Variants in C17orf75 observed in about 807,000 individuals in gnomAD.
C17orf75 encodes protein Njmu-R1.
C17orf75 carries 32 observed loss-of-function variants against 49.6 expected under a neutral mutation model. The ratio of observed to expected loss-of-function variants is 0.65; its 90% CI spans 0.49 to 0.87. The LOEUF (loss-of-function observed/expected upper bound fraction) is 0.87. Among genes scored for constraint, C17orf75 ranks in the 40% least tolerant of loss-of-function variants. C17orf75 has a pLI of 0.00. For missense variants in C17orf75, 428 were observed against 473.9 expected, an observed-to-expected ratio of 0.90 and a Z score of 0.90; for synonymous variants, 158 against 159.5, an observed-to-expected ratio of 0.99 and a Z score of 0.07.
At chr17:32,343,917 A>G, upstream of C17orf75, 1 of 682,400 alleles carries the variant, frequency 1.5e-6, no homozygotes, top group South Asian at 1.5e-5. Context: ...CTCATAGTAG[A>G]TATTTGGCAA....
intron 5 of C17orf75, among the ~76,000 whole-genome samples, chr17:32,337,437 T>TG (rs1434141519): frequency 6.6e-6 from 1 of 151,672 alleles, no homozygotes; most frequent in African/African-American, 2.4e-5. Flanking sequence ...CCCTGCAGCC[T>TG]GGGCAACAAA....
chr17:32,344,050 C>T (rs76941666), upstream of C17orf75: 10 of 663,648 alleles, frequency 1.5e-5, no homozygotes, highest in Non-Finnish European at 1.7e-5. Context: ...CTTGAATAGC[C>T]GACCAGTCCC....
At chr17:32,336,922 G>T (rs1278249508) in intron 5 of C17orf75, among the ~76,000 whole-genome samples, 1 of 152,114 alleles carries the variant, frequency 6.6e-6, no homozygotes, top group Non-Finnish European at 1.5e-5. Context: ...GAGGCAGGTG[G>T]ATTACTTGAG....
intron 1 of C17orf75, 131 bp from the exon 2 acceptor site, chr17:32,341,415 T>C: frequency 1.2e-6 from 1 of 862,990 alleles, no homozygotes; most frequent in Admixed American, 1.9e-5. Flanking sequence ...CTGCCTATCC[T>C]CATGACAAGG....
At chr17:32,333,878 C>A (rs535622165) in intron 8 of C17orf75, among the ~76,000 whole-genome samples, 27 of 152,286 alleles carry the variant, frequency 1.8e-4, no homozygotes, top group Admixed American at 5.2e-4. Flanking sequence ...ATGGCTGAAG[C>A]CCCCTGTATG....
chr17:32,342,513 T>C (rs1375788940), upstream of C17orf75, among the ~76,000 whole-genome samples: 1 of 152,268 alleles, frequency 6.6e-6, no homozygotes, highest in Non-Finnish European at 1.5e-5. Context: ...ATCAAAAAGT[T>C]AAGAATTTAA....
upstream of C17orf75, chr17:32,344,051 G>A (rs889674654): frequency 7.4e-5 from 49 of 663,326 alleles, 1 homozygote; most frequent in Non-Finnish European, 1.1e-4. Flanking sequence ...TTGAATAGCC[G>A]ACCAGTCCCC....
In C17orf75 at chr17:32,340,929, A is replaced by G. The variant is rs2041373716; in HGVS notation, c.221+275T>C. ...CACTGCACTCCAGCCTGGGCAGCAG[A>G]GCAAGACCCTGTCTCAATTTAAAAG... On this transcript the variant is annotated intron_variant, in intron 2 of 9. Coordinates refer to ENST00000577809, the MANE Select transcript of C17orf75 (RefSeq NM_022344.4). 9.8e-5 allele frequency: 39 copies of G among 398,498 alleles called. 1 individual carries two copies. The highest frequency in any genetic ancestry group is 9.2e-4 in the South Asian group (39 of 42,228). 24.7% of individuals were successfully genotyped at this position (398,498 alleles called of 1,614,324 possible).
upstream of C17orf75, among the ~76,000 whole-genome samples, chr17:32,346,135 G>A (rs756501805): frequency 6.6e-6 from 1 of 151,924 alleles, no homozygotes; most frequent in East Asian, 1.9e-4. Context: ...TCACTACAAC[G>A]AGAGGCACAG....
At chr17:32,342,415 G>C (rs970134836), upstream of C17orf75, 1 of 342,426 alleles carries the variant, frequency 2.9e-6, no homozygotes, top group African/African-American at 2.1e-5. Flanking sequence ...TGTGATAAAG[G>C]TGGCACAACT....
intron 1 of C17orf75, among the ~76,000 whole-genome samples, chr17:32,347,444 A>G (rs529869008): frequency 6.6e-6 from 1 of 150,658 alleles, no homozygotes; most frequent in African/African-American, 2.4e-5. Context: ...ACACTCAGCT[A>G]TTTTTTTTGT....
rs2041353431 is a variant in C17orf75, at chr17:32,339,067, G to A, written c.348-716C>T. ...GATCATGCTACTGTACTCCAGTCTG[G>A]GCAACAGAGTGAGACTCTGTCTTAA... On this transcript the variant is annotated intron_variant, in intron 3 of 9. Transcript: ENST00000577809. Among the ~76,000 whole-genome samples the A allele has an allele frequency of 2.0e-5, 3 of 151,916 alleles. No individual in the cohort carries two copies. The South Asian group carries it at 6.2e-4, about 32-fold the overall frequency.
upstream of C17orf75, among the ~76,000 whole-genome samples, chr17:32,342,675 C>T (rs1325356359): frequency 6.6e-6 from 1 of 152,210 alleles, no homozygotes. Context: ...GTGGCTCACG[C>T]CTGTAATTCC....
At chr17:32,340,015 C>A in intron 2 of C17orf75, 77 bp from the exon 3 acceptor site, 1 of 1,542,620 alleles carries the variant, frequency 6.5e-7, no homozygotes, top group African/African-American at 1.4e-5. Flanking sequence ...AGAATGGTAC[C>A]AACGCCAGGG....
At chr17:32,348,531 T>C (rs2041446003) in intron 1 of C17orf75, among the ~76,000 whole-genome samples, 1 of 152,200 alleles carries the variant, frequency 6.6e-6, no homozygotes. Flanking sequence ...ATGTCTGCTA[T>C]TATTTTTTGC....
intron 6 of C17orf75, 62 bp downstream of exon 6, chr17:32,335,261 T>C (rs2041313548): frequency 3.2e-6 from 5 of 1,576,180 alleles, no homozygotes; most frequent in Admixed American, 1.8e-5. Flanking sequence ...AAAATGAGTA[T>C]GTTTCTAAAT....
chr17:32,348,494 G>T (rs1288755001), intron 1 of C17orf75, among the ~76,000 whole-genome samples: 1 of 152,128 alleles, frequency 6.6e-6, no homozygotes, highest in African/African-American at 2.4e-5. Flanking sequence ...TCACTACAAT[G>T]CTTGGCACAC....
At chr17:32,336,628 C>T (rs1349704334) in intron 5 of C17orf75, among the ~76,000 whole-genome samples, 1 of 152,196 alleles carries the variant, frequency 6.6e-6, no homozygotes, top group Non-Finnish European at 1.5e-5. Flanking sequence ...AACAGCCATA[C>T]TATTGCATAG....
upstream of C17orf75, chr17:32,344,073 A>AT (rs1268374733): frequency 4.2e-5 from 25 of 589,444 alleles, 1 homozygote; most frequent in Middle Eastern, 1.9e-3. Context: ...GCACAGGTCC[A>AT]TATCAAGGAA....
Sources: gnomAD v4.1 joint callset for allele counts (sites outside exome capture counted in the v4.1 genomes callset) on GRCh38, gnomAD v4.1.1 for gene constraint, MANE v1.5 for transcripts, NCBI Gene and HGNC (gene_info 2026-07-23, HGNC 2026-07-21) for gene names.